Variants in TTN observed in about 807,000 individuals in gnomAD.
TTN encodes the protein connectin.
A neutral mutation model predicts 3,223.0 loss-of-function variants in TTN; 1,525 were observed. The observed-to-expected ratio is 0.47, with a 90% CI of 0.45 to 0.49. The LOEUF (loss-of-function observed/expected upper bound fraction) is 0.49. Ranked by LOEUF, TTN falls within the 20% of genes least tolerant of loss-of-function variation. TTN has a pLI of 0.00. For synonymous variants in TTN, 14,094 were observed against 15,161.0 expected, an observed-to-expected ratio of 0.93 and a Z score of 5.17; for missense variants, 40,786 against 43,424.0, an observed-to-expected ratio of 0.94 and a Z score of 5.40.
chr2:178,759,263 C>T (rs1325284725), intron 43 of TTN, 91 bp from the exon 44 acceptor site: 7 of 1,274,524 alleles, frequency 5.5e-6, no homozygotes, highest in Non-Finnish European at 8.0e-6. Context: ...AATACTAGTG[C>T]CTACATTTCA....
chr2:178,739,908 A>G lies in TTN; in HGVS notation c.13325T>C (p.Met4442Thr), dbSNP rs756871857. ...ITQEPRHIMC[M>T]YLVTSAKSVT... ...AGACTTTGCCGAAGTAACAAGGTAC[A>G]TGCACATGATGTGTCTGGGCTCTTG... is the stretch of plus-strand genomic sequence containing the variant. The change falls in exon 48 of 363, where the codon ATG (methionine) becomes ACG (threonine). Residue 4442 changes from methionine to threonine, a missense_variant. Physicochemically the swap from Met to Thr is moderately conservative, Grantham distance 81. Coordinates refer to ENST00000589042, the MANE Select transcript of TTN (RefSeq NM_001267550.2). 3.1e-6 allele frequency: 5 copies of G among 1,613,806 alleles called. No individual in the cohort carries two copies. The highest frequency in any genetic ancestry group is 3.3e-5 in the Admixed American group (2 of 59,990).
chr2:178,557,217 G>A (rs958901633), intron 329 of TTN, 36 bp downstream of exon 329: 3 of 1,612,578 alleles, frequency 1.9e-6, no homozygotes, highest in African/African-American at 1.3e-5. Flanking sequence ...TTGCATTTTT[G>A]TTATCAGAAC....
At chr2:178,586,451 G>T in intron 308 of TTN, 54 bp downstream of exon 308, 1 of 1,584,304 alleles carries the variant, frequency 6.3e-7, no homozygotes, top group Non-Finnish European at 8.6e-7. Flanking sequence ...ACATATAAAA[G>T]AAGAAATTCT....
intron 17 of TTN, 23 bp downstream of exon 17, chr2:178,783,697 G>A (rs547525552): frequency 3.8e-6 from 6 of 1,594,778 alleles, no homozygotes; most frequent in Non-Finnish European, 5.2e-6. Context: ...ATAGGGTCCA[G>A]CATTATCAAC....
chr2:178,706,687 A>T lies in TTN; in HGVS notation c.29187T>A (p.Val9729=). 2 of 1,613,514 alleles carry T rather than the reference A, an allele frequency of 1.2e-6. No homozygotes were observed. Among genetic ancestry groups the T allele is most frequent in the Non-Finnish European group, 1.7e-6 (2 of 1,179,560 alleles). ...GTCTCCACTTCCCTTTTGTCCATTT[A>T]ACATTTGGGATTGGGTCACCTCCAA... The part of the protein sequence containing the change: ...AKVGGDPIPN[V]KWTKGKWRQL... The change falls in exon 102 of 363, where the codon GTT becomes GTA. Residue 9729 remains valine (V), a synonymous_variant. Transcript: ENST00000589042.
rs757698964 is a variant in TTN, at chr2:178,577,889, C to G, written c.68537G>C (p.Gly22846Ala). 6.3e-7 allele frequency: 1 copy of G among 1,581,952 alleles called. No individual in the cohort carries two copies. Among genetic ancestry groups the G allele is most frequent in the African/African-American group, 1.4e-5 (1 of 73,510 alleles). The change falls in exon 323 of 363, where the codon GGA becomes GCA. Residue 22846 changes from glycine to alanine, a missense_variant. By Grantham distance (60) the Gly-to-Ala change is moderately conservative. Coordinates refer to ENST00000589042, the MANE Select transcript of TTN (RefSeq NM_001267550.2). Reference protein sequence around the residue: ...VVALDPIDPPGKPEVINITRN... With the variant: ...VVALDPIDPPAKPEVINITRN... ...TGTTATGTTAATAACCTCAGGTTTT[C>G]CAGGAGGATCTAAAACATAAAAGCA...
At position 178,598,773 on chromosome 2, in the gene TTN, G is replaced by A. The variant is rs761214924; in HGVS notation, c.56937C>T (p.Asp18979=). 1.2e-6 allele frequency: 2 copies of A among 1,613,346 alleles called. No homozygotes were observed. Among genetic ancestry groups the A allele is most frequent in the Non-Finnish European group, 8.5e-7 (1 of 1,179,514 alleles). The change falls in exon 291 of 363, where the codon GAC becomes GAT. Residue 18979 remains aspartate, a synonymous_variant. Transcript: ENST00000589042. ...CAATTGGATCTCTAGCAGTCGCTGG[G>A]TCTGATGGCAGACTTGCTGGACCCA... ...AGVGPASLPS[D]PATARDPIAP... is the part of the protein sequence containing the mutation.
Position 178,604,034 on chromosome 2 carries a change from C to T in TTN, c.54653G>A (p.Arg18218Gln), listed in dbSNP as rs143643360. 2.7e-5 allele frequency: 44 copies of T among 1,612,902 alleles called. No individual in the cohort carries two copies. Among genetic ancestry groups the T allele is most frequent in the Middle Eastern group, 1.7e-4 (1 of 6,048 alleles). The part of the protein sequence containing the change: ...EGSPYWSRVS[R>Q]APITKVGLKG... ...CAATCCCACTTTGGTTATTGGTGCTCGGCTAACACGTGACCAATAAGGACT... is the reference window on the plus strand; with the variant it reads ...CAATCCCACTTTGGTTATTGGTGCTTGGCTAACACGTGACCAATAAGGACT... The change falls in exon 282 of 363, where the codon CGA becomes CAA. Residue 18218 changes from arginine (R) to glutamine (Q), a missense_variant. Transcript: ENST00000589042.
chr2:178,719,668 T>C lies in TTN; in HGVS notation c.23824A>G (p.Lys7942Glu), dbSNP rs780339774. 32 of 1,613,752 alleles carry C rather than the reference T, an allele frequency of 2.0e-5. No individual in the cohort carries two copies. In the South Asian group the frequency reaches 3.5e-4, roughly 18 times the overall value. Residue 7942 changes from lysine (K) to glutamate (E), a missense_variant, in exon 82 of 363, where the codon AAA (lysine) becomes GAA (glutamate). Lys to Glu is a moderately conservative substitution (Grantham distance 56). Transcript: ENST00000589042. ...CAGGGGATTTTAAGGGAAGCCACTT[T>C]ATTGATGAATGTAATGTGATGTTTG... ...DSKHHITFIN[K>E]VASLKIPCAE... is the part of the protein sequence containing the mutation.
rs377135196 is a variant in TTN at position 178,695,423 on chromosome 2, C to T, written c.31208-13G>A. 2.0e-5 allele frequency: 32 copies of T among 1,610,320 alleles called. No individual in the cohort carries two copies. The African/African-American group carries it at 2.7e-4, about 13-fold the overall frequency. The stretch of plus-strand genomic sequence containing the variant: ...CTCTCATGTGATTCTGAAATAAAAA[C>T]ACAGGAATAAGAAGGGATGCTTAAA... On this transcript the variant is annotated splice_polypyrimidine_tract_variant and intron_variant, in intron 114 of 362. Coordinates refer to ENST00000589042, the MANE Select transcript of TTN (RefSeq NM_001267550.2).
intron 24 of TTN, 73 bp downstream of exon 24, chr2:178,778,801 T>C (rs2092491729): frequency 3.1e-6 from 5 of 1,601,694 alleles, no homozygotes; most frequent in Admixed American, 1.7e-5. Context: ...TCTTACACAA[T>C]AGCAATTTGC....
chr2:178,768,997 A>G (rs776411402), intron 37 of TTN, 64 bp from the exon 38 acceptor site: 73 of 1,586,140 alleles, frequency 4.6e-5, no homozygotes, highest in Non-Finnish European at 6.0e-5. Context: ...GGGTTATAAC[A>G]GGTGCAGAAT....
In TTN at chr2:178,545,765, C is replaced by G. The variant is rs1343862471; in HGVS notation, c.95416+55G>C. The G allele has an allele frequency of 1.8e-5, 29 of 1,598,172 alleles. 1 individual carries two copies. The East Asian group carries it at 4.0e-4, about 22-fold the overall frequency. ...GATAAGACTGCCCTTCTCCCTTCTC[C>G]CCCTGATTCTATTACATTTCAACTG... On this transcript the variant is annotated intron_variant, in intron 343 of 362. Transcript: ENST00000589042.
Position 178,725,848 on chromosome 2 carries a change from G to A in TTN, c.20474C>T (p.Thr6825Ile), listed in dbSNP as rs763006525. The stretch of plus-strand genomic sequence containing the variant: ...GCAGTGGTATTCACCGATGTCTGAA[G>A]TGTCCACATTGAGAATGTGAATACT... ...HTSIHILNVD[T>I]SDIGEYHCKA... Residue 6825 changes from threonine (T) to isoleucine (I), a missense_variant, in exon 70 of 363, where the codon ACT becomes ATT. Transcript: ENST00000589042. 3.4e-5 allele frequency: 55 copies of A among 1,613,194 alleles called. No individual in the cohort carries two copies. Among genetic ancestry groups the A allele is most frequent in the Non-Finnish European group, 4.4e-5 (52 of 1,179,522 alleles).
chr2:178,707,384 A>G, intron 100 of TTN, 142 bp downstream of exon 100: 1 of 982,272 alleles, frequency 1.0e-6, no homozygotes, highest in Non-Finnish European at 1.4e-6. Context: ...TATTTCAATT[A>G]TAATAAGGAG....
At position 178,722,476 on chromosome 2, in the gene TTN, T is replaced by A; in HGVS notation, c.22311A>T (p.Thr7437=). 6.2e-7 allele frequency: 1 copy of A among 1,613,422 alleles called. No homozygotes were observed. Among genetic ancestry groups the A allele is most frequent in the Non-Finnish European group, 8.5e-7 (1 of 1,179,520 alleles). ...DIEQTVGLPV[T]LTCRLNGSAP... is the part of the protein sequence containing the mutation. ...CAGAGCCATTTAATCGACAAGTGAGTGTAACAGGTAACCCCACAGTTTGTT... is the reference window on the plus strand; with the variant it reads ...CAGAGCCATTTAATCGACAAGTGAGAGTAACAGGTAACCCCACAGTTTGTT... The change falls in exon 77 of 363, where the codon ACA becomes ACT. Residue 7437 remains threonine, a synonymous_variant. Coordinates refer to ENST00000589042, the MANE Select transcript of TTN (RefSeq NM_001267550.2).
rs1051353080 is a variant in TTN, at chr2:178,577,885, T to G, written c.68541A>C (p.Lys22847Asn). 1 of 1,584,356 alleles carries G rather than the reference T, an allele frequency of 6.3e-7. No individual in the cohort carries two copies. Among genetic ancestry groups the G allele is most frequent in the Non-Finnish European group, 8.6e-7 (1 of 1,166,288 alleles). Reference sequence around the variant, plus strand: ...TCCTTGTTATGTTAATAACCTCAGGTTTTCCAGGAGGATCTAAAACATAAA... The same window carrying G: ...TCCTTGTTATGTTAATAACCTCAGGGTTTCCAGGAGGATCTAAAACATAAA... The part of the protein sequence containing the change: ...VALDPIDPPG[K>N]PEVINITRNS... Residue 22847 changes from lysine (K) to asparagine (N), a missense_variant, in exon 323 of 363, where the codon AAA becomes AAC. Coordinates refer to ENST00000589042, the MANE Select transcript of TTN (RefSeq NM_001267550.2).
In TTN at chr2:178,588,730, A is replaced by G. The variant is rs568886353; in HGVS notation, c.62995T>C (p.Phe20999Leu). 2 of 1,613,222 alleles carry G rather than the reference A, an allele frequency of 1.2e-6. No homozygotes were observed. Among genetic ancestry groups the G allele is most frequent in the Non-Finnish European group, 1.7e-6 (2 of 1,179,500 alleles). Residue 20999 changes from phenylalanine (F) to leucine (L), a missense_variant, in exon 304 of 363, where the codon TTT becomes CTT. Physicochemically the swap from Phe to Leu is conservative, Grantham distance 22. Coordinates refer to ENST00000589042, the MANE Select transcript of TTN (RefSeq NM_001267550.2). ...YDGGKSITGY[F>L]LEKKEKHSTR... The stretch of plus-strand genomic sequence containing the variant: ...GAATGCTTTTCCTTTTTCTCCAAAA[A>G]GTATCCAGTTATAGACTTTCCACCA...
rs2081168482 is a variant in TTN at position 178,734,853 on chromosome 2, T to C, written c.15071A>G (p.Glu5024Gly). 6.2e-7 allele frequency: 1 copy of C among 1,613,778 alleles called. No individual in the cohort carries two copies. The highest frequency in any genetic ancestry group is 8.5e-7 in the Non-Finnish European group (1 of 1,179,764). Reference sequence around the variant, plus strand: ...AAAATACATTCGGACTGTGTTACTTTCACTGAGTTCTTTGTTATTTTTAAA... The same window carrying C: ...AAAATACATTCGGACTGTGTTACTTCCACTGAGTTCTTTGTTATTTTTAAA... The part of the protein sequence containing the change: ...TWFKNNKELS[E>G]SNTVRMYFVN... Residue 5024 changes from glutamate to glycine, a missense_variant, in exon 51 of 363, where the codon GAA becomes GGA. Coordinates refer to ENST00000589042, the MANE Select transcript of TTN (RefSeq NM_001267550.2).
Sources: allele counts gnomAD v4.1 joint callset, GRCh38; gene constraint gnomAD v4.1.1; transcripts MANE v1.5; gene names NCBI Gene and HGNC (gene_info 2026-07-23, HGNC 2026-07-21).